The following TBCK variants were observed in gnomAD, a reference collection of about 807,000 sequenced individuals.
TBCK encodes TBC1 domain containing kinase, also known as TBC domain-containing protein kinase-like protein.
Under a neutral mutation model 113.4 loss-of-function variants are expected in TBCK, and 99 were observed. The ratio of observed to expected loss-of-function variants is 0.87; its 90% confidence interval spans 0.74 to 1.03. The LOEUF (loss-of-function observed/expected upper bound fraction) is 1.03, where lower values mean the gene tolerates loss of function less well. Ranked by LOEUF, TBCK falls within the 50% of genes least tolerant of loss-of-function variation. TBCK has a pLI of 0.00. For synonymous variants in TBCK, 369 were observed against 370.8 expected, an observed-to-expected ratio of 1.00 and a Z score of 0.05; for missense variants, 1,045 against 1,061.3, an observed-to-expected ratio of 0.98 and a Z score of 0.21.
chr4:106,060,210 T>C (rs75824381), intron 25 of TBCK, among the ~76,000 whole-genome samples: 1 of 151,924 alleles, frequency 6.6e-6, no homozygotes, highest in South Asian at 2.1e-4. Context: ...TAAACAGATT[T>C]TCAATGCAAA....
chr4:106,257,085 T>C (rs1480433620), intron 5 of TBCK, among the ~76,000 whole-genome samples: 4 of 152,094 alleles, frequency 2.6e-5, no homozygotes, highest in African/African-American at 9.7e-5. Context: ...AGGATGGCCT[T>C]ACAAACAACA....
intron 23 of TBCK, among the ~76,000 whole-genome samples, chr4:106,142,330 T>C (rs2149654945): frequency 6.6e-6 from 1 of 152,330 alleles, no homozygotes; most frequent in East Asian, 1.9e-4. Flanking sequence ...CTCTAACAGA[T>C]GTGACAATGC....
intron 25 of TBCK, among the ~76,000 whole-genome samples, chr4:106,081,644 A>ACAT (rs1738884212): frequency 6.6e-6 from 1 of 151,468 alleles, no homozygotes; most frequent in African/African-American, 2.4e-5. Context: ...ACAAACCTGC[A>ACAT]CATCCTGTAT....
chr4:106,160,642 A>G (rs1749663063), intron 23 of TBCK, among the ~76,000 whole-genome samples: 1 of 152,062 alleles, frequency 6.6e-6, no homozygotes, highest in Non-Finnish European at 1.5e-5. Context: ...GAAGAAACTG[A>G]AACCAACCCT....
chr4:106,147,012 A>T lies in TBCK; in HGVS notation c.2235+24083T>A, dbSNP rs115909484. Among the ~76,000 whole-genome samples, 763 of 152,286 alleles carry T rather than the reference A, an allele frequency of 5.0e-3. 10 individuals are homozygous for T. Among genetic ancestry groups the T allele is most frequent in the African/African-American group, 0.017 (721 of 41,570 alleles). ...CCATTCTAAGAAACTTTTTTTGCTCATTCTTAAGAAGCAACTCCTCATCCA... is the reference window on the plus strand; with the variant it reads ...CCATTCTAAGAAACTTTTTTTGCTCTTTCTTAAGAAGCAACTCCTCATCCA... On this transcript the variant is annotated intron_variant, in intron 23 of 25. Transcript: ENST00000394708.
chr4:106,195,452 G>A (rs1045555585), intron 20 of TBCK, among the ~76,000 whole-genome samples: 12 of 149,618 alleles, frequency 8.0e-5, no homozygotes, highest in Non-Finnish European at 1.0e-4. Flanking sequence ...TTAATTGACT[G>A]CATCAGGTGA....
intron 23 of TBCK, among the ~76,000 whole-genome samples, chr4:106,137,557 A>T (rs1746703501): frequency 7.1e-6 from 1 of 140,702 alleles, no homozygotes; most frequent in Non-Finnish European, 1.6e-5. Flanking sequence ...TTAAAACAAT[A>T]AATTGTTTCA....
intron 19 of TBCK, among the ~76,000 whole-genome samples, chr4:106,217,595 T>G (rs1357205737): frequency 6.6e-6 from 1 of 151,354 alleles, no homozygotes; most frequent in Non-Finnish European, 1.5e-5. Flanking sequence ...GAGAGCCAAA[T>G]CATGAGTGAA....
intron 25 of TBCK, among the ~76,000 whole-genome samples, chr4:106,085,172 A>C (rs537485643): frequency 1.1e-3 from 173 of 152,246 alleles, no homozygotes; most frequent in African/African-American, 4.1e-3. Flanking sequence ...AGGAGTCAAG[A>C]CCCATTGGTG....
In TBCK at chr4:106,205,775, C is replaced by CAA. The variant is rs574825052; in HGVS notation, c.1860+6973_1860+6974dup. ...AGACTCTGTCTCAAAAAAAAAACAA[C>CAA]AAAAAAAACAAAAAAAACCACTGCT... On this transcript the variant is annotated intron_variant, in intron 20 of 25. Transcript: ENST00000394708. Among the ~76,000 whole-genome samples, 5 of 146,940 alleles carry CAA rather than the reference C, an allele frequency of 3.4e-5. No individual in the cohort carries two copies. In the South Asian group the frequency reaches 1.1e-3, roughly 32 times the overall value.
At chr4:106,292,074 G>A (rs533568290) in intron 3 of TBCK, among the ~76,000 whole-genome samples, 9 of 151,036 alleles carry the variant, frequency 6.0e-5, no homozygotes, top group African/African-American at 2.2e-4. Context: ...AAACTGAATT[G>A]GTCACTTTAC....
intron 12 of TBCK, chr4:106,238,846 A>C (rs991949424): frequency 7.9e-5 from 12 of 152,176 alleles, no homozygotes; most frequent in African/African-American, 2.9e-4. Flanking sequence ...GAGTCTGTTA[A>C]GATCAATTAA....
At chr4:106,050,710 G>C (rs180725854) in intron 25 of TBCK, among the ~76,000 whole-genome samples, 33 of 152,170 alleles carry the variant, frequency 2.2e-4, no homozygotes, top group Middle Eastern at 3.4e-3. Context: ...CCCATGTAGA[G>C]AGAATGGGGG....
In TBCK at chr4:106,285,570, T is replaced by A. The variant is rs557715168; in HGVS notation, c.266+9524A>T. 4.3e-3 allele frequency among the ~76,000 whole-genome samples: 660 copies of A among 152,290 alleles called. 7 individuals are homozygous for A. The highest frequency in any genetic ancestry group is 4.5e-3 in the Non-Finnish European group (303 of 68,012). On this transcript the variant is annotated intron_variant, in intron 3 of 25. Transcript: ENST00000394708. ...CACCAAAGATTTAAAATTTAAAATTTAAATTTAAATTTCTTACCAAATATT... is the reference window on the plus strand; with the variant it reads ...CACCAAAGATTTAAAATTTAAAATTAAAATTTAAATTTCTTACCAAATATT...
chr4:106,187,680 C>T (rs186275293), intron 22 of TBCK, among the ~76,000 whole-genome samples: 1 of 152,280 alleles, frequency 6.6e-6, no homozygotes, highest in Admixed American at 6.5e-5. Flanking sequence ...TCCCAAAGTG[C>T]TGGGATTACA....
chr4:106,216,106 C>G (rs1215054280), intron 19 of TBCK, among the ~76,000 whole-genome samples: 2 of 152,140 alleles, frequency 1.3e-5, no homozygotes, highest in Admixed American at 6.5e-5. Flanking sequence ...CAACCTCCTC[C>G]TGAATGACTA....
chr4:106,102,202 AG>A (rs1187900706), intron 24 of TBCK, among the ~76,000 whole-genome samples: 1 of 152,186 alleles, frequency 6.6e-6, no homozygotes, highest in Non-Finnish European at 1.5e-5. Flanking sequence ...TTTATTGTTA[AG>A]TGGGTAAAGT....
chr4:106,251,402 T>A (rs970875344), intron 6 of TBCK, among the ~76,000 whole-genome samples: 3 of 151,936 alleles, frequency 2.0e-5, no homozygotes, highest in African/African-American at 7.2e-5. Context: ...GATTTTTTTT[T>A]AATAGAGAAG....
intron 24 of TBCK, among the ~76,000 whole-genome samples, chr4:106,098,688 C>T (rs888227976): frequency 5.3e-5 from 8 of 152,002 alleles, no homozygotes; most frequent in Non-Finnish European, 8.8e-5. Context: ...CACTTTACCA[C>T]GTGTTTGGAT....
Sources: gnomAD v4.1 joint callset for allele counts (sites outside exome capture counted in the v4.1 genomes callset) on GRCh38, gnomAD v4.1.1 for gene constraint, MANE v1.5 for transcripts, NCBI Gene and HGNC (gene_info 2026-07-23, HGNC 2026-07-21) for gene names.